The following B3GAT1 variants were observed in gnomAD, a reference collection of about 807,000 sequenced individuals.
The protein encoded by B3GAT1 is beta-1,3-glucuronyltransferase 1.
B3GAT1 carries 11 observed loss-of-function variants against 28.4 expected under a neutral mutation model. The observed-to-expected ratio is 0.39, with a 90% CI of 0.24 to 0.64. The LOEUF (loss-of-function observed/expected upper bound fraction) is 0.64, where lower values mean the gene tolerates loss of function less well. Among genes scored for constraint, B3GAT1 ranks in the 30% least tolerant of loss-of-function variants. B3GAT1 has a pLI of 0.50. For missense variants in B3GAT1, 375 were observed against 491.0 expected (o/e 0.76, Z 2.23); for synonymous variants, 255 against 223.1 (o/e 1.14, Z -1.27).
At chr11:134,385,824 C>T (rs1453496110) in intron 2 of B3GAT1, 1 of 152,180 alleles carries the variant, frequency 6.6e-6, no homozygotes, top group Non-Finnish European at 1.5e-5. Context: ...TCCTGGTGAC[C>T]CTAACTTCAC....
intron 1 of B3GAT1, among the ~76,000 whole-genome samples, chr11:134,409,057 T>A (rs536769346): frequency 6.6e-6 from 1 of 152,182 alleles, no homozygotes; most frequent in African/African-American, 2.4e-5. Context: ...GGGGTGAGGG[T>A]GTATAAAATA....
intron 1 of B3GAT1, among the ~76,000 whole-genome samples, chr11:134,401,000 A>G (rs1253772252): frequency 1.3e-5 from 2 of 152,240 alleles, no homozygotes; most frequent in Non-Finnish European, 2.9e-5. Context: ...AAAATGCTCA[A>G]GATTAGTGAT....
intron 1 of B3GAT1, chr11:134,409,864 C>G (rs899540319): frequency 6.6e-6 from 1 of 152,430 alleles, no homozygotes; most frequent in Non-Finnish European, 1.5e-5. Flanking sequence ...TTCCTCTCCT[C>G]CTCTCCATTC....
In B3GAT1 at chr11:134,399,676, C is replaced by T. The variant is rs564129174; in HGVS notation, c.-281-11736G>A. 9.8e-5 allele frequency among the ~76,000 whole-genome samples: 15 copies of T among 152,332 alleles called. 1 individual carries two copies. The South Asian group carries it at 3.1e-3, about 32-fold the overall frequency. ...TGGAAGCTAGGAGGGCTGTGACCCT[C>T]GCCTCATCTGACCCTCTCTACAGAG... On this transcript the variant is annotated intron_variant, in intron 1 of 5. Transcript: ENST00000312527.
Position 134,378,953 on chromosome 11 carries a change from C to T in B3GAT1, c.*1809G>A, listed in dbSNP as rs1466419474. 1 of 152,142 alleles carries T rather than the reference C, an allele frequency of 6.6e-6. No individual in the cohort carries two copies. The highest frequency in any genetic ancestry group is 1.5e-5 in the Non-Finnish European group (1 of 68,020). The allele number at this position is 152,142 out of a possible 1,614,324, so 9.4% of individuals were successfully genotyped here. ...CAGACCAGCCAAGCTGACCTTGGCA[C>T]TTGGCTGGCTTCTGTGAGGCAGTAG... On this transcript the variant is annotated 3_prime_UTR_variant, in exon 6 of 6. Coordinates refer to ENST00000312527, the MANE Select transcript of B3GAT1 (RefSeq NM_054025.3).
chr11:134,403,965 G>T, intron 1 of B3GAT1, among the ~76,000 whole-genome samples: 1 of 117,732 alleles, frequency 8.5e-6, no homozygotes, highest in East Asian at 2.6e-4. Context: ...TCATTTAACG[G>T]GTACAGAGTT....
chr11:134,408,377 G>A (rs1944777728), intron 1 of B3GAT1, among the ~76,000 whole-genome samples: 1 of 112,228 alleles, frequency 8.9e-6, no homozygotes, highest in African/African-American at 3.7e-5. Context: ...GAGGAGGGAG[G>A]TGGGACAGCC....
At chr11:134,400,265 C>T (rs573452171) in intron 1 of B3GAT1, among the ~76,000 whole-genome samples, 28 of 152,260 alleles carry the variant, frequency 1.8e-4, no homozygotes, top group East Asian at 7.7e-4. Context: ...ACCCTAGCCC[C>T]GAGCCAGAAG....
At chr11:134,403,139 G>A (rs116378487) in intron 1 of B3GAT1, among the ~76,000 whole-genome samples, 3,223 of 152,104 alleles carry the variant, frequency 0.021, 59 homozygotes, top group African/African-American at 0.054. Context: ...ACGGATCCAC[G>A]GTCCACCACC....
intron 4 of B3GAT1, 32 bp from the exon 5 acceptor site, chr11:134,382,056 A>G: frequency 6.2e-7 from 1 of 1,603,558 alleles, no homozygotes; most frequent in Non-Finnish European, 8.5e-7. Flanking sequence ...ACATGGTGGG[A>G]CAGGCCCCTG....
intron 4 of B3GAT1, among the ~76,000 whole-genome samples, chr11:134,382,306 A>AGTGT (rs3065400): frequency 0.34 from 52,305 of 151,914 alleles, 11,094 homozygotes; most frequent in East Asian, 0.69. Flanking sequence ...AGACTTCCCA[A>AGTGT]GTGTGTGTGT....
intron 1 of B3GAT1, among the ~76,000 whole-genome samples, chr11:134,408,024 C>A (rs1035532007): frequency 6.6e-6 from 1 of 152,042 alleles, no homozygotes; most frequent in African/African-American, 2.4e-5. Flanking sequence ...TTACATTTAA[C>A]AATAATTAGA....
At chr11:134,395,280 G>A (rs112010758) in intron 1 of B3GAT1, among the ~76,000 whole-genome samples, 29 of 152,358 alleles carry the variant, frequency 1.9e-4, no homozygotes, top group African/African-American at 5.5e-4. Flanking sequence ...GAGAGGGAGC[G>A]GCAGCTGGAG....
chr11:134,406,908 T>C (rs1447468678), intron 1 of B3GAT1, among the ~76,000 whole-genome samples: 2 of 145,310 alleles, frequency 1.4e-5, no homozygotes, highest in East Asian at 2.0e-4. Flanking sequence ...CCACTAGAAC[T>C]TTCCGTGCCC....
At chr11:134,394,059 G>A (rs779396004) in intron 1 of B3GAT1, among the ~76,000 whole-genome samples, 5 of 152,024 alleles carry the variant, frequency 3.3e-5, no homozygotes, top group African/African-American at 7.2e-5. Context: ...CAGCACCACC[G>A]CCTCCCGGGC....
In B3GAT1 at chr11:134,385,336, G is replaced by A. The variant is rs974884059; in HGVS notation, c.113-1148C>T. On this transcript the variant is annotated intron_variant, in intron 2 of 5. Transcript: ENST00000312527. ...CTGCCTCCCTCCGGCCACTGTCATC[G>A]GCAGCATGTGGGGTGTGTGGCACGC... is the stretch of plus-strand genomic sequence containing the variant. 5.3e-5 allele frequency: 8 copies of A among 152,342 alleles called. No individual in the cohort carries two copies. In the South Asian group the frequency reaches 8.3e-4, roughly 16 times the overall value. The allele number at this position is 152,342 out of a possible 1,614,324, so 9.4% of individuals were successfully genotyped here.
At chr11:134,384,876 G>A (rs1944238271) in intron 2 of B3GAT1, 1 of 152,186 alleles carries the variant, frequency 6.6e-6, no homozygotes, top group Admixed American at 6.5e-5. Flanking sequence ...GAGAAATCAG[G>A]GCCATTGGGA....
intron 1 of B3GAT1, 56 bp from the exon 2 acceptor site, chr11:134,387,996 A>C (rs554000569): frequency 1.5e-6 from 1 of 677,192 alleles, no homozygotes; most frequent in South Asian, 1.5e-5. Context: ...AATGGATGCC[A>C]GCAAGGCTGG....
At chr11:134,393,000 C>A (rs1203980758) in intron 1 of B3GAT1, among the ~76,000 whole-genome samples, 2 of 152,170 alleles carry the variant, frequency 1.3e-5, no homozygotes, top group Non-Finnish European at 2.9e-5. Context: ...GGTGGGGAAG[C>A]TTTGCTCAGT....
Sources: allele counts gnomAD v4.1 joint callset (sites outside exome capture counted in the v4.1 genomes callset), GRCh38; gene constraint gnomAD v4.1.1; transcripts MANE v1.5; gene names NCBI Gene and HGNC (gene_info 2026-07-23, HGNC 2026-07-21).